The following GPC5 variants were observed in gnomAD, a reference collection of about 807,000 sequenced individuals.
GPC5 encodes the protein glypican 5, also known as glypican-5.
A neutral mutation model predicts 53.9 loss-of-function variants in GPC5; 47 were observed. The ratio of observed to expected loss-of-function variants is 0.87; its 90% confidence interval spans 0.69 to 1.11. The LOEUF is 1.11. GPC5 is among the 50% of genes most tolerant of loss of function. The pLI is 0.00. For missense variants in GPC5, 748 were observed against 713.1 expected (o/e 1.05, Z -0.56); for synonymous variants, 286 against 263.3 (o/e 1.09, Z -0.84).
intron 6 of GPC5, chr13:91,994,542 T>TAA (rs2040486663): frequency 6.6e-6 from 1 of 152,210 alleles, no homozygotes; most frequent in Non-Finnish European, 1.5e-5. Context: ...AGCACAGTCT[T>TAA]TTAATCATAT....
intron 7 of GPC5, among the ~76,000 whole-genome samples, chr13:92,526,544 G>C (rs1881289846): frequency 6.6e-6 from 1 of 152,024 alleles, no homozygotes. Flanking sequence ...AAAGGGTAGG[G>C]AATGTTGCTT....
intron 2 of GPC5, among the ~76,000 whole-genome samples, chr13:91,653,954 C>T (rs1344729923): frequency 2.0e-5 from 3 of 152,116 alleles, no homozygotes; most frequent in African/African-American, 7.2e-5. Flanking sequence ...TCTCGTGTCC[C>T]TTTGTCATTC....
At chr13:92,205,486 G>T (rs571305681) in intron 7 of GPC5, among the ~76,000 whole-genome samples, 5 of 152,028 alleles carry the variant, frequency 3.3e-5, no homozygotes, top group Non-Finnish European at 7.4e-5. Context: ...AAGACTCTCC[G>T]ATCATTCCTC....
At chr13:92,651,346 G>GT (rs1334561764) in intron 7 of GPC5, among the ~76,000 whole-genome samples, 1 of 152,052 alleles carries the variant, frequency 6.6e-6, no homozygotes, top group Non-Finnish European at 1.5e-5. Flanking sequence ...TTGATAATAT[G>GT]TCATTGAAAT....
At chr13:91,969,870 A>G (rs1454867742) in intron 6 of GPC5, among the ~76,000 whole-genome samples, 8 of 152,164 alleles carry the variant, frequency 5.3e-5, no homozygotes, top group Non-Finnish European at 1.2e-4. Context: ...AAGGATTACA[A>G]GTGTTGGTGA....
chr13:92,246,369 G>A (rs1378825493), intron 7 of GPC5, among the ~76,000 whole-genome samples: 5 of 152,064 alleles, frequency 3.3e-5, no homozygotes, highest in Non-Finnish European at 7.4e-5. Flanking sequence ...ATGATAATAT[G>A]TCTACTTATA....
At chr13:92,180,409 T>A (rs1308310886) in intron 7 of GPC5, among the ~76,000 whole-genome samples, 1 of 152,250 alleles carries the variant, frequency 6.6e-6, no homozygotes, top group East Asian at 1.9e-4. Flanking sequence ...ATTTTCTCTT[T>A]GTGAATGTGT....
chr13:91,447,489 A>G (rs527479339), intron 1 of GPC5, among the ~76,000 whole-genome samples: 1 of 152,198 alleles, frequency 6.6e-6, no homozygotes, highest in African/African-American at 2.4e-5. Flanking sequence ...AAATTCTGTC[A>G]TTTGTTATTT....
intron 2 of GPC5, among the ~76,000 whole-genome samples, chr13:91,642,721 T>TC (rs937841596): frequency 6.6e-5 from 10 of 151,248 alleles, no homozygotes; most frequent in Non-Finnish European, 1.3e-4. Context: ...AGCTTTTTTT[T>TC]TTTTTTTAAG....
chr13:91,642,499 G>T (rs796828217), intron 2 of GPC5, among the ~76,000 whole-genome samples: 3 of 152,300 alleles, frequency 2.0e-5, no homozygotes, highest in African/African-American at 7.2e-5. Context: ...GAAGCCAGGG[G>T]TGGGAGTGTT....
chr13:92,206,482 G>A (rs540502712), intron 7 of GPC5, among the ~76,000 whole-genome samples: 3 of 151,376 alleles, frequency 2.0e-5, no homozygotes, highest in East Asian at 2.0e-4. Flanking sequence ...CACCGCACCC[G>A]GCTGTCATGC....
intron 7 of GPC5, among the ~76,000 whole-genome samples, chr13:92,274,679 A>G (rs2042863106): frequency 1.3e-5 from 2 of 152,260 alleles, no homozygotes; most frequent in South Asian, 2.1e-4. Context: ...TCCATGTATA[A>G]GCTCACACCA....
intron 5 of GPC5, among the ~76,000 whole-genome samples, chr13:91,851,772 T>C (rs1168508812): frequency 2.1e-5 from 3 of 141,948 alleles, no homozygotes; most frequent in African/African-American, 8.1e-5. Flanking sequence ...GTTCTTGCGA[T>C]AGTTTACTGA....
In GPC5 at chr13:92,041,380, A is replaced by C. The variant is rs145026181; in HGVS notation, c.1402-103450A>C. On this transcript the variant is annotated intron_variant, in intron 6 of 7. Transcript: ENST00000377067. Reference sequence around the variant, plus strand: ...AGTCTAAACCACATCAGGAGTAATCAGAACAGAATGTGAGGCCGACTTGAA... The same window carrying C: ...AGTCTAAACCACATCAGGAGTAATCCGAACAGAATGTGAGGCCGACTTGAA... Among the ~76,000 whole-genome samples the C allele has an allele frequency of 9.7e-4, 148 of 152,362 alleles. 2 individuals carry two copies. The highest frequency in any genetic ancestry group is 3.1e-3 in the African/African-American group (131 of 41,588).
intron 7 of GPC5, among the ~76,000 whole-genome samples, chr13:92,799,922 A>T (rs752914425): frequency 2.0e-5 from 3 of 151,828 alleles, no homozygotes; most frequent in Non-Finnish European, 4.4e-5. Flanking sequence ...TCATTTCATT[A>T]TATCATGTTG....
chr13:92,668,762 C>T (rs1331555102), intron 7 of GPC5, among the ~76,000 whole-genome samples: 1 of 151,988 alleles, frequency 6.6e-6, no homozygotes, highest in Non-Finnish European at 1.5e-5. Flanking sequence ...GTATTTTTTA[C>T]ATTTTAAATA....
At chr13:91,409,690 C>T (rs1258249439) in intron 1 of GPC5, among the ~76,000 whole-genome samples, 2 of 151,836 alleles carry the variant, frequency 1.3e-5, no homozygotes, top group African/African-American at 2.4e-5. Flanking sequence ...AGGAAGATGC[C>T]TGTGTTATTT....
chr13:92,233,189 T>C (rs1253354815), intron 7 of GPC5, among the ~76,000 whole-genome samples: 1 of 152,238 alleles, frequency 6.6e-6, no homozygotes, highest in Non-Finnish European at 1.5e-5. Context: ...ACCTGCCTTA[T>C]AGCAACAAAT....
At chr13:92,717,327 T>C (rs1283589698) in intron 7 of GPC5, among the ~76,000 whole-genome samples, 1 of 152,116 alleles carries the variant, frequency 6.6e-6, no homozygotes, top group Admixed American at 6.6e-5. Flanking sequence ...GCCTCAGAGT[T>C]AGGTTCTAGC....
Sources: gnomAD v4.1 joint callset for allele counts (sites outside exome capture counted in the v4.1 genomes callset) on GRCh38, gnomAD v4.1.1 for gene constraint, MANE v1.5 for transcripts, NCBI Gene and HGNC (gene_info 2026-07-23, HGNC 2026-07-21) for gene names.